The following NTM variants were observed in gnomAD, a reference collection of about 807,000 sequenced individuals.
NTM encodes IgLON family member 2.
A neutral mutation model predicts 42.1 loss-of-function variants in NTM; 13 were observed. That is an observed-to-expected ratio of 0.31 (90% CI 0.20 to 0.49). The LOEUF (loss-of-function observed/expected upper bound fraction) is 0.49, where lower values mean the gene tolerates loss of function less well. Ranked by LOEUF, NTM falls within the 20% of genes least tolerant of loss-of-function variation. NTM has a pLI of 0.99. For missense variants in NTM, 373 were observed against 452.8 expected, an observed-to-expected ratio of 0.82 and a Z score of 1.60; for synonymous variants, 187 against 179.2, an observed-to-expected ratio of 1.04 and a Z score of -0.35.
At chr11:131,566,718 G>A (rs2056928174) in intron 1 of NTM, among the ~76,000 whole-genome samples, 2 of 152,260 alleles carry the variant, frequency 1.3e-5, no homozygotes, top group East Asian at 3.9e-4. Flanking sequence ...AATATTGTTG[G>A]GCAAAGTGCT....
chr11:131,404,956 A>G (rs1420903649), intron 1 of NTM, among the ~76,000 whole-genome samples: 1 of 152,216 alleles, frequency 6.6e-6, no homozygotes, highest in Admixed American at 6.5e-5. Context: ...ATAACAGGGA[A>G]GTGCATATCT....
At chr11:131,681,420 CGT>C (rs148904497) in intron 1 of NTM, among the ~76,000 whole-genome samples, 598 of 4,802 alleles carry the variant, frequency 0.12, 182 homozygotes, top group Non-Finnish European at 0.23. Context: ...TGTGTGTGAG[CGT>C]GTGTGTTTCT....
At chr11:131,796,188 G>A in intron 1 of NTM, 4 of 984,828 alleles carry the variant, frequency 4.1e-6, no homozygotes, top group Non-Finnish European at 4.8e-6. Flanking sequence ...GGAAACAAAG[G>A]AAAAGGTTAA....
chr11:131,424,600 C>CTTTTTTTTCTTTTTTT (rs1947888682), intron 1 of NTM, among the ~76,000 whole-genome samples: 1 of 56,050 alleles, frequency 1.8e-5, no homozygotes, highest in Non-Finnish European at 3.2e-5. Flanking sequence ...CTTTTCTTTT[C>CTTTTTTTTCTTTTTTT]TTTTTTTTTT....
At chr11:131,991,197 GT>G (rs931518359) in intron 2 of NTM, among the ~76,000 whole-genome samples, 7 of 151,954 alleles carry the variant, frequency 4.6e-5, no homozygotes, top group East Asian at 1.9e-4. Context: ...TAAAAGAGGT[GT>G]TTTTTTGTTG....
intron 1 of NTM, among the ~76,000 whole-genome samples, chr11:131,435,611 G>A (rs1034199832): frequency 1.3e-5 from 2 of 152,326 alleles, no homozygotes; most frequent in South Asian, 4.1e-4. Context: ...GCATAGGAAT[G>A]CTTGTGATTT....
chr11:131,990,250 A>G (rs1322758514), intron 2 of NTM, among the ~76,000 whole-genome samples: 1 of 152,156 alleles, frequency 6.6e-6, no homozygotes, highest in Non-Finnish European at 1.5e-5. Context: ...CCTAACCTCA[A>G]TCGAAATCCA....
At chr11:132,220,566 C>T (rs1822027585) in intron 4 of NTM, among the ~76,000 whole-genome samples, 1 of 152,154 alleles carries the variant, frequency 6.6e-6, no homozygotes, top group Non-Finnish European at 1.5e-5. Flanking sequence ...TGAAATCAAG[C>T]CTCATTCTAG....
intron 1 of NTM, among the ~76,000 whole-genome samples, chr11:131,788,464 T>C (rs557016271): frequency 6.6e-6 from 1 of 152,182 alleles, no homozygotes; most frequent in Non-Finnish European, 1.5e-5. Context: ...AAAATTTATT[T>C]TAATTTTTTG....
intron 1 of NTM, among the ~76,000 whole-genome samples, chr11:131,425,170 T>C (rs1363966789): frequency 6.6e-6 from 1 of 152,136 alleles, no homozygotes; most frequent in East Asian, 1.9e-4. Flanking sequence ...GTGTTAGCCA[T>C]TGCGCCTGGC....
chr11:132,163,095 C>A (rs941059937), intron 3 of NTM, among the ~76,000 whole-genome samples: 2 of 152,128 alleles, frequency 1.3e-5, no homozygotes, highest in African/African-American at 4.8e-5. Context: ...GTGGAAGGAG[C>A]GTCTGCAGAG....
At chr11:131,759,826 A>C (rs2083866473) in intron 1 of NTM, among the ~76,000 whole-genome samples, 1 of 152,156 alleles carries the variant, frequency 6.6e-6, no homozygotes, top group South Asian at 2.1e-4. Context: ...TCTTGATCCC[A>C]AATGGATTTA....
chr11:132,334,684 G>A (rs1270140538), intron 8 of NTM, among the ~76,000 whole-genome samples: 1 of 152,130 alleles, frequency 6.6e-6, no homozygotes, highest in Non-Finnish European at 1.5e-5. Context: ...ACTCAGCACA[G>A]TAGTCTGACT....
In NTM at chr11:131,420,906, C is replaced by T. The variant is rs550353349; in HGVS notation, c.82+50018C>T. ...TCTGGTTCTCCTCCATGATGTAATG[C>T]CTCCTCTGCTTCACGCAGACCACAC... On this transcript the variant is annotated intron_variant, in intron 1 of 8. Coordinates refer to ENST00000683400, the MANE Select transcript of NTM (RefSeq NM_001352005.2). Among the ~76,000 whole-genome samples, 17 of 152,210 alleles carry T rather than the reference C, an allele frequency of 1.1e-4. No homozygotes were observed. The East Asian group carries it at 3.3e-3, about 29-fold the overall frequency.
intron 1 of NTM, among the ~76,000 whole-genome samples, chr11:131,641,805 C>A (rs960204910): frequency 2.0e-5 from 3 of 150,762 alleles, no homozygotes; most frequent in African/African-American, 7.3e-5. Context: ...CGGCTCACTG[C>A]AACCTCCAAC....
chr11:131,503,471 G>GA (rs1478372231), intron 1 of NTM, among the ~76,000 whole-genome samples: 2 of 152,046 alleles, frequency 1.3e-5, no homozygotes, highest in Non-Finnish European at 2.9e-5. Context: ...GGTGCACCAG[G>GA]AAAACGGACT....
At chr11:131,489,986 G>T (rs1954603862) in intron 1 of NTM, among the ~76,000 whole-genome samples, 1 of 152,214 alleles carries the variant, frequency 6.6e-6, no homozygotes, top group Non-Finnish European at 1.5e-5. Context: ...AGAGCATCAG[G>T]CTGCTTCCAC....
At chr11:131,395,944 C>T (rs1302387437) in intron 1 of NTM, among the ~76,000 whole-genome samples, 2 of 152,186 alleles carry the variant, frequency 1.3e-5, no homozygotes, top group African/African-American at 4.8e-5. Flanking sequence ...AAGGCTCAAG[C>T]AACAACCTGT....
At chr11:132,111,605 T>C (rs1037824730) in intron 2 of NTM, among the ~76,000 whole-genome samples, 1 of 152,204 alleles carries the variant, frequency 6.6e-6, no homozygotes, top group East Asian at 1.9e-4. Flanking sequence ...TGTCACAGTA[T>C]GCCCTGTGTA....
Sources: allele counts gnomAD v4.1 joint callset (sites outside exome capture counted in the v4.1 genomes callset), GRCh38; gene constraint gnomAD v4.1.1; transcripts MANE v1.5; gene names NCBI Gene and HGNC (gene_info 2026-07-23, HGNC 2026-07-21).